The following NOS1 variants were observed in gnomAD, a reference collection of about 807,000 sequenced individuals.
The protein encoded by NOS1 is NOS type I.
A neutral mutation model predicts 164.5 loss-of-function variants in NOS1; 51 were observed. The ratio of observed to expected loss-of-function variants is 0.31; its 90% confidence interval spans 0.25 to 0.39. The LOEUF (loss-of-function observed/expected upper bound fraction) is 0.39, where lower values mean the gene tolerates loss of function less well. Among genes scored for constraint, NOS1 ranks in the 10% least tolerant of loss-of-function variants. NOS1 has a pLI of 1.00. For synonymous variants in NOS1, 719 were observed against 745.8 expected, an observed-to-expected ratio of 0.96 and a Z score of 0.59; for missense variants, 1,362 against 1,885.6, an observed-to-expected ratio of 0.72 and a Z score of 5.14.
Position 117,272,763 on chromosome 12 carries a change from T to A in NOS1, c.1665-204A>T, listed in dbSNP as rs1872888686. Reference sequence around the variant, plus strand: ...GTGCATTTTTAACGTATTTCTCAGGTGCTTCGGATGGATATTCAGGCCTGG... The same window carrying A: ...GTGCATTTTTAACGTATTTCTCAGGAGCTTCGGATGGATATTCAGGCCTGG... On this transcript the variant is annotated intron_variant, in intron 9 of 28. Transcript: ENST00000317775. The surrounding 1 kb of genome is among the most constrained non-coding windows in gnomAD (Gnocchi z 4.3). Among the ~76,000 whole-genome samples the A allele has an allele frequency of 6.6e-6, 1 of 152,164 alleles. No individual in the cohort carries two copies. Among genetic ancestry groups the A allele is most frequent in the South Asian group, 2.1e-4 (1 of 4,826 alleles).
At chr12:117,314,760 C>T (rs1289077589) in intron 2 of NOS1, among the ~76,000 whole-genome samples, 1 of 152,206 alleles carries the variant, frequency 6.6e-6, no homozygotes, top group Admixed American at 6.5e-5. Context: ...GCGCACACCA[C>T]CACGCCCAGC....
Position 117,234,588 on chromosome 12 carries a change from A to G in NOS1, c.3212T>C (p.Leu1071Pro). ...ACCTAAAGCCGTGTTCCGCTCCTCC[A>G]GCAGTTCCACTTTCACCATCTGGTT... is the stretch of plus-strand genomic sequence containing the variant. ...PVNQMVKVEL[L>P]EERNTALGVI... The change falls in exon 21 of 29, where the codon CTG becomes CCG. Residue 1071 changes from leucine to proline, a missense_variant. Physicochemically the swap from Leu to Pro is moderately conservative, Grantham distance 98. This residue lies in a region of NOS1 where 737 missense variants were observed against 1,030.3 expected (regional missense o/e 0.72). Transcript: ENST00000317775. This position sits in a 1 kb window ranked among gnomAD's most constrained non-coding sequence, Gnocchi z 4.3. 2 of 1,613,898 alleles carry G rather than the reference A, an allele frequency of 1.2e-6. No homozygotes were observed. Among genetic ancestry groups the G allele is most frequent in the Non-Finnish European group, 1.7e-6 (2 of 1,179,856 alleles).
chr12:117,348,998 T>A (rs1876491498), intron 1 of NOS1, among the ~76,000 whole-genome samples: 1 of 152,266 alleles, frequency 6.6e-6, no homozygotes, highest in South Asian at 2.1e-4. Flanking sequence ...ATATTAACAT[T>A]GGGGAAACTA....
chr12:117,311,398 C>G (rs1354919290), intron 3 of NOS1, 68 bp downstream of exon 3: 3 of 1,502,624 alleles, frequency 2.0e-6, no homozygotes, highest in Non-Finnish European at 2.7e-6. Flanking sequence ...CTCCCCTCAG[C>G]TTCCCACCTG....
rs139603231 is a variant in NOS1, at chr12:117,267,565, C to T, written c.1941+478G>A. Among the ~76,000 whole-genome samples, 504 of 145,116 alleles carry T rather than the reference C, an allele frequency of 3.5e-3. 3 individuals carry two copies. The highest frequency in any genetic ancestry group is 0.019 in the South Asian group (83 of 4,482). On this transcript the variant is annotated intron_variant, in intron 11 of 28. Transcript: ENST00000317775. Reference sequence around the variant, plus strand: ...TTGTGCCACTGCACTCTAGTCTGGGCGACAAGAGTGAAACTCCATCTCAAA... The same window carrying T: ...TTGTGCCACTGCACTCTAGTCTGGGTGACAAGAGTGAAACTCCATCTCAAA...
At chr12:117,333,324 G>C (rs189829892) in intron 1 of NOS1, among the ~76,000 whole-genome samples, 110 of 152,260 alleles carry the variant, frequency 7.2e-4, no homozygotes, top group African/African-American at 2.6e-3. Flanking sequence ...CTTCCTGCCA[G>C]CAACCTCACC....
chr12:117,232,419 G>GC (rs942184020), intron 21 of NOS1, among the ~76,000 whole-genome samples: 1 of 152,076 alleles, frequency 6.6e-6, no homozygotes, highest in African/African-American at 2.4e-5. Context: ...TATACAATGA[G>GC]CCCCCAGCTG....
chr12:117,325,254 C>G (rs114761257), intron 2 of NOS1, among the ~76,000 whole-genome samples: 1,730 of 152,262 alleles, frequency 0.011, 27 homozygotes, highest in African/African-American at 0.038. Flanking sequence ...TCCAGGCAGC[C>G]GTGTGCTCTA....
intron 10 of NOS1, among the ~76,000 whole-genome samples, chr12:117,271,853 C>T (rs1340746816): frequency 6.6e-6 from 1 of 152,218 alleles, no homozygotes. Flanking sequence ...GAATCAGACC[C>T]TCTGCCGAGA....
At chr12:117,349,942 C>G (rs1876540087) in intron 1 of NOS1, among the ~76,000 whole-genome samples, 1 of 152,012 alleles carries the variant, frequency 6.6e-6, no homozygotes, top group South Asian at 2.1e-4. Context: ...TTAGGCTGGT[C>G]TTGAACTCCT....
At chr12:117,304,665 A>G (rs1053770131) in intron 3 of NOS1, among the ~76,000 whole-genome samples, 2 of 152,202 alleles carry the variant, frequency 1.3e-5, no homozygotes, top group African/African-American at 4.8e-5. Flanking sequence ...AGGGTCACAA[A>G]GTCATACACA....
At chr12:117,280,170 C>G (rs1416998657) in intron 8 of NOS1, among the ~76,000 whole-genome samples, 4 of 152,188 alleles carry the variant, frequency 2.6e-5, no homozygotes, top group African/African-American at 9.6e-5. Context: ...TGGTGGTAGT[C>G]ACTTTCCTGG....
intron 25 of NOS1, 53 bp downstream of exon 25, chr12:117,224,963 G>C: frequency 6.2e-7 from 1 of 1,611,974 alleles, no homozygotes. Context: ...GACACAGCTG[G>C]ACCTCCCCAG....
intron 2 of NOS1, among the ~76,000 whole-genome samples, chr12:117,321,844 C>G (rs1874941113): frequency 1.3e-5 from 2 of 151,984 alleles, no homozygotes; most frequent in African/African-American, 4.8e-5. Context: ...GTCCTCGAAG[C>G]AAAAACCGAG....
chr12:117,250,441 G>A (rs936200140), intron 17 of NOS1, among the ~76,000 whole-genome samples: 31 of 149,700 alleles, frequency 2.1e-4, no homozygotes, highest in South Asian at 4.3e-4. Flanking sequence ...TAATTCTCCC[G>A]CCTCAGCCTC....
chr12:117,310,507 G>A (rs1200846053), intron 3 of NOS1, among the ~76,000 whole-genome samples: 5 of 152,188 alleles, frequency 3.3e-5, no homozygotes, highest in Non-Finnish European at 2.9e-5. Flanking sequence ...AAATTAATGT[G>A]TGTGTTTGTC....
chr12:117,254,511 C>T (rs955750163), intron 16 of NOS1, among the ~76,000 whole-genome samples: 8 of 152,194 alleles, frequency 5.3e-5, no homozygotes, highest in African/African-American at 1.4e-4. Flanking sequence ...GCATTTCTAA[C>T]GAGCTCCCAG....
intron 14 of NOS1, 55 bp downstream of exon 14, chr12:117,260,410 T>C (rs1801376999): frequency 2.5e-6 from 4 of 1,595,946 alleles, no homozygotes; most frequent in South Asian, 2.2e-5. Flanking sequence ...TCTCTCCCCT[T>C]CCTGCCTTAA....
intron 3 of NOS1, among the ~76,000 whole-genome samples, chr12:117,307,905 C>T (rs1219118520): frequency 1.3e-5 from 2 of 151,842 alleles, no homozygotes; most frequent in Non-Finnish European, 2.9e-5. Context: ...ATTCCAGCTA[C>T]TCAGGAGGCT....
Sources: gnomAD v4.1 joint callset for allele counts (sites outside exome capture counted in the v4.1 genomes callset) on GRCh38, gnomAD v4.1.1 for gene constraint, gnomAD v4.1.1 regional missense constraint, Gnocchi (gnomAD v3.1) non-coding constraint, MANE v1.5 for transcripts, NCBI Gene and HGNC (gene_info 2026-07-23, HGNC 2026-07-21) for gene names.